TSPAN13: variants seen among roughly 807,000 people sequenced by gnomAD.
TSPAN13 encodes the protein tetraspanin-13.
Under a neutral mutation model 26.9 loss-of-function variants are expected in TSPAN13, and 18 were observed. That is an observed-to-expected ratio of 0.67 (90% CI 0.46 to 0.99). TSPAN13 has a LOEUF of 0.99. TSPAN13 is among the 50% of genes least tolerant of loss of function. TSPAN13 has a pLI of 0.00. For synonymous variants in TSPAN13, 116 were observed against 98.4 expected (o/e 1.18, Z -1.06); for missense variants, 201 against 249.6 (o/e 0.81, Z 1.31).
intron 1 of TSPAN13, among the ~76,000 whole-genome samples, chr7:16,765,778 T>A (rs1784598025): frequency 6.6e-6 from 1 of 152,248 alleles, no homozygotes; most frequent in Admixed American, 6.5e-5. Flanking sequence ...GTCATAGGTG[T>A]ACATTTACTT....
intron 1 of TSPAN13, among the ~76,000 whole-genome samples, chr7:16,767,287 A>C (rs925595662): frequency 3.3e-5 from 5 of 152,174 alleles, no homozygotes; most frequent in African/African-American, 1.2e-4. Flanking sequence ...AATAACATAT[A>C]GTATTGTTTT....
rs1784843374 is a variant in TSPAN13 at position 16,783,922 on chromosome 7, G to A, written c.*431G>A. ...AATTTATTAAAATCAGAAAGTATGA[G>A]ATCCTGTTATGTTAAGGGAAATCCA... On this transcript the variant is annotated 3_prime_UTR_variant, in exon 6 of 6. Transcript: ENST00000262067. 1 of 155,874 alleles carries A rather than the reference G, an allele frequency of 6.4e-6. No individual in the cohort carries two copies. The highest frequency in any genetic ancestry group is 2.4e-5 in the African/African-American group (1 of 41,504). The allele number at this position is 155,874 out of a possible 1,614,324, so 9.7% of individuals were successfully genotyped here.
At chr7:16,774,897 G>A (rs1251070976) in intron 1 of TSPAN13, among the ~76,000 whole-genome samples, 3 of 152,114 alleles carry the variant, frequency 2.0e-5, no homozygotes, top group South Asian at 2.1e-4. Flanking sequence ...CACTCATGTA[G>A]CAGTTTTGCT....
In TSPAN13 at chr7:16,776,286, G is replaced by A. The variant is rs933785982; in HGVS notation, c.139G>A (p.Gly47Ser). The A allele has an allele frequency of 3.7e-6, 6 of 1,613,840 alleles. No individual in the cohort carries two copies. Among genetic ancestry groups the A allele is most frequent in the Admixed American group, 1.7e-5 (1 of 59,972 alleles). The change falls in exon 2 of 6, where the codon GGC becomes AGC. Residue 47 changes from glycine (G) to serine (S), a missense_variant. By Grantham distance (56) the Gly-to-Ser change is moderately conservative. Coordinates refer to ENST00000262067, the MANE Select transcript of TSPAN13 (RefSeq NM_014399.4). ...GCTGATTTCCAGTCTCCGAGTGGTC[G>A]GCGTGGTCATTGCAGTGGGCATCTT... Reference protein sequence around the residue: ...FGLISSLRVVGVVIAVGIFLF... With the variant: ...FGLISSLRVVSVVIAVGIFLF...
intron 1 of TSPAN13, among the ~76,000 whole-genome samples, chr7:16,755,957 G>A (rs1449934374): frequency 1.3e-5 from 2 of 152,078 alleles, no homozygotes; most frequent in African/African-American, 4.8e-5. Context: ...TTAATGAATT[G>A]GAAATTCACG....
intron 1 of TSPAN13, among the ~76,000 whole-genome samples, chr7:16,759,699 CTTTTTTTTT>C (rs59571826): frequency 7.5e-6 from 1 of 132,458 alleles, no homozygotes; most frequent in Non-Finnish European, 1.6e-5. Flanking sequence ...TTCTTTCTTT[CTTTTTTTTT>C]TTTTTTTTGA....
intron 1 of TSPAN13, among the ~76,000 whole-genome samples, chr7:16,768,929 T>G (rs1019353097): frequency 6.6e-6 from 1 of 152,080 alleles, no homozygotes; most frequent in African/African-American, 2.4e-5. Flanking sequence ...CAGGGTGGAG[T>G]GCAGTGGCGT....
chr7:16,781,109 G>C (rs1014800364), intron 5 of TSPAN13, among the ~76,000 whole-genome samples: 1 of 152,116 alleles, frequency 6.6e-6, no homozygotes. Flanking sequence ...CCTAAACCAT[G>C]AGAGAAACAT....
rs750665255 is a variant in TSPAN13 at position 16,778,991 on chromosome 7, T to C, written c.427-12T>C. The C allele has an allele frequency of 5.1e-6, 8 of 1,566,214 alleles. 1 individual carries two copies. The South Asian group carries it at 9.5e-5, about 19-fold the overall frequency. ...TTTTGAAATAAAGGTTTTTTTACTT[T>C]AATTGGTGCAGAGCTGTGTTAAAAG... On this transcript the variant is annotated splice_polypyrimidine_tract_variant and intron_variant, in intron 4 of 5. Coordinates refer to ENST00000262067, the MANE Select transcript of TSPAN13 (RefSeq NM_014399.4).
chr7:16,780,083 T>A (rs1784798724), intron 5 of TSPAN13, among the ~76,000 whole-genome samples: 4 of 151,734 alleles, frequency 2.6e-5, no homozygotes, highest in Non-Finnish European at 5.9e-5. Flanking sequence ...GTATTCATTT[T>A]TTATTTTTAT....
At chr7:16,775,981 C>T (rs1012917279) in intron 1 of TSPAN13, 10 of 405,442 alleles carry the variant, frequency 2.5e-5, no homozygotes, top group Non-Finnish European at 3.9e-5. Flanking sequence ...TATTATCAGT[C>T]TTTTTTTTTC....
Position 16,783,431 on chromosome 7 carries a change from G to T in TSPAN13, c.555G>T (p.Trp185Cys). Residue 185 changes from tryptophan (W) to cysteine (C), a missense_variant, in exon 6 of 6, where the codon TGG (tryptophan) becomes TGT (cysteine). Coordinates refer to ENST00000262067, the MANE Select transcript of TSPAN13 (RefSeq NM_014399.4). Reference sequence around the variant, plus strand: ...CCCCATTCCAGATCCTGGGTGTTTGGCTGACCTACAGATACAGGAACCAGA... The same window carrying T: ...CCCCATTCCAGATCCTGGGTGTTTGTCTGACCTACAGATACAGGAACCAGA... The part of the protein sequence containing the change: ...FFSFTEILGV[W>C]LTYRYRNQKD... 1 of 1,613,082 alleles carries T rather than the reference G, an allele frequency of 6.2e-7. No individual in the cohort carries two copies. Among genetic ancestry groups the T allele is most frequent in the Non-Finnish European group, 8.5e-7 (1 of 1,179,594 alleles).
chr7:16,772,772 G>C (rs1013861153), intron 1 of TSPAN13, among the ~76,000 whole-genome samples: 4 of 152,096 alleles, frequency 2.6e-5, no homozygotes, highest in Admixed American at 6.5e-5. Context: ...GAGGCAGGTG[G>C]ATCACCTGAG....
chr7:16,761,909 G>A (rs1237977705), intron 1 of TSPAN13, among the ~76,000 whole-genome samples: 2 of 151,982 alleles, frequency 1.3e-5, no homozygotes, highest in African/African-American at 4.8e-5. Flanking sequence ...TCTTACTACT[G>A]TTTTAAATTT....
intron 1 of TSPAN13, among the ~76,000 whole-genome samples, chr7:16,759,648 G>C (rs990676636): frequency 1.1e-4 from 16 of 151,628 alleles, no homozygotes; most frequent in African/African-American, 3.9e-4. Flanking sequence ...AATCGTCTTT[G>C]AAAAGACCCT....
chr7:16,778,356 C>T (rs969201475), intron 4 of TSPAN13, among the ~76,000 whole-genome samples: 1 of 152,186 alleles, frequency 6.6e-6, no homozygotes. Context: ...CATTATTACA[C>T]AGCAATAGAA....
rs1374218767 is a variant in TSPAN13, at chr7:16,777,030, T to G, written c.232-12T>G. On this transcript the variant is annotated splice_polypyrimidine_tract_variant and intron_variant, in intron 2 of 5. Coordinates refer to ENST00000262067, the MANE Select transcript of TSPAN13 (RefSeq NM_014399.4). Reference sequence around the variant, plus strand: ...AGAATATTTAGAAGTATCCTTAACTTCTAACTCTCAGTATATGATTATTCT... The same window carrying G: ...AGAATATTTAGAAGTATCCTTAACTGCTAACTCTCAGTATATGATTATTCT... 1 of 1,582,396 alleles carries G rather than the reference T, an allele frequency of 6.3e-7. No homozygotes were observed. Among genetic ancestry groups the G allele is most frequent in the African/African-American group, 1.3e-5 (1 of 74,298 alleles).
At chr7:16,778,969 T>C (rs1461294123) in intron 4 of TSPAN13, 34 bp from the exon 5 acceptor site, 4 of 1,483,892 alleles carry the variant, frequency 2.7e-6, no homozygotes, top group Non-Finnish European at 3.7e-6. Context: ...AAATGTATTT[T>C]GAAATAAAGG....
At chr7:16,755,776 A>C (rs1051723525) in intron 1 of TSPAN13, among the ~76,000 whole-genome samples, 1 of 152,286 alleles carries the variant, frequency 6.6e-6, no homozygotes, top group African/African-American at 2.4e-5. Flanking sequence ...TTTTAAAATG[A>C]AGTTCCTTGC....
Sources: gnomAD v4.1 joint callset for allele counts (sites outside exome capture counted in the v4.1 genomes callset) on GRCh38, gnomAD v4.1.1 for gene constraint, MANE v1.5 for transcripts, NCBI Gene and HGNC (gene_info 2026-07-23, HGNC 2026-07-21) for gene names.